EGLN2: variants seen among roughly 807,000 people sequenced by gnomAD.
EGLN2 encodes the protein prolyl hydroxylase EGLN2.
In EGLN2, 15 loss-of-function variants were observed where a neutral mutation model predicts 38.2. The ratio of observed to expected loss-of-function variants is 0.39; its 90% CI spans 0.26 to 0.60. EGLN2 has a LOEUF of 0.60. Among genes scored for constraint, EGLN2 ranks in the 20% least tolerant of loss-of-function variants. The pLI is 0.50. For missense variants in EGLN2, 492 were observed against 570.4 expected, an observed-to-expected ratio of 0.86 and a Z score of 1.40; for synonymous variants, 284 against 237.4, an observed-to-expected ratio of 1.20 and a Z score of -1.81.
intron 4 of EGLN2, 58 bp downstream of exon 4, chr19:40,807,332 C>A: frequency 6.2e-7 from 1 of 1,610,534 alleles, no homozygotes; most frequent in South Asian, 1.1e-5. Flanking sequence ...AATGTCCTGT[C>A]AGAGCCTCAG....
chr19:40,806,444 GT>G (rs1208583105), intron 2 of EGLN2, 110 bp from the exon 3 acceptor site: 2 of 1,549,762 alleles, frequency 1.3e-6, no homozygotes, highest in Non-Finnish European at 1.7e-6. Context: ...GACCCAAGGA[GT>G]CATGGGGAAG....
chr19:40,807,873 C>A lies in EGLN2; in HGVS notation c.*9C>A, dbSNP rs769400397. The A allele has an allele frequency of 1.2e-6, 2 of 1,613,738 alleles. No homozygotes were observed. Among genetic ancestry groups the A allele is most frequent in the African/African-American group, 2.7e-5 (2 of 74,924 alleles). On this transcript the variant is annotated 3_prime_UTR_variant, in exon 6 of 6. Transcript: ENST00000303961. ...CGCCTACGCCCACCTAGTGGCCAGT[C>A]CCAGAGCCGCATGGCAGACAGCTTA...
At chr19:40,801,527 GT>G in intron 2 of EGLN2, 112 bp downstream of exon 2, 11 of 1,457,654 alleles carry the variant, frequency 7.5e-6, no homozygotes, top group Non-Finnish European at 1.0e-5. Flanking sequence ...GTCACAGAAG[GT>G]TTAGGCAGTT....
chr19:40,799,619 A>G (rs1040611032), intron 1 of EGLN2: 1 of 151,814 alleles, frequency 6.6e-6, no homozygotes, highest in Non-Finnish European at 1.5e-5. Context: ...GGGCACCTTT[A>G]TCTCTCGTCC....
chr19:40,800,494 CGGA>C lies in EGLN2; in HGVS notation c.-70_-68del, dbSNP rs2083246620. ...GGCCCCCAGCTGCATCAAGTGGAGGCGGAGGAGGAGGCGGAGGAGGGTGGCACC... is the reference window on the plus strand; with the variant it reads ...GGCCCCCAGCTGCATCAAGTGGAGGCGGAGGAGGCGGAGGAGGGTGGCACC... On this transcript the variant is annotated 5_prime_UTR_variant, in exon 2 of 6. Transcript: ENST00000303961. 2.0e-6 allele frequency: 3 copies of C among 1,465,472 alleles called. No individual in the cohort carries two copies. The highest frequency in any genetic ancestry group is 2.4e-5 in the East Asian group (1 of 41,306). 90.8% of individuals were successfully genotyped at this position (1,465,472 alleles called of 1,614,324 possible).
intron 2 of EGLN2, 154 bp from the exon 3 acceptor site, chr19:40,806,401 G>C (rs1024951589): frequency 7.1e-7 from 1 of 1,412,686 alleles, no homozygotes; most frequent in African/African-American, 1.4e-5. Flanking sequence ...GGCTGAAAAA[G>C]AAAGTCTTTT....
intron 2 of EGLN2, chr19:40,804,827 C>T (rs760286284): frequency 6.6e-6 from 1 of 152,130 alleles, no homozygotes; most frequent in African/African-American, 2.4e-5. Context: ...AGGGTTTTCC[C>T]TGGGGGGCCT....
At chr19:40,806,307 A>G (rs1246591645) in intron 2 of EGLN2, 2 of 594,372 alleles carry the variant, frequency 3.4e-6, no homozygotes, top group Non-Finnish European at 5.6e-6. Context: ...GCTGGGTGCC[A>G]GGCCCCAGGT....
Position 40,801,037 on chromosome 19 carries a change from C to T in EGLN2, c.465C>T (p.Ser155=). The T allele has an allele frequency of 6.2e-7, 1 of 1,613,020 alleles. No homozygotes were observed. The highest frequency in any genetic ancestry group is 8.5e-7 in the Non-Finnish European group (1 of 1,179,838). The change falls in exon 2 of 6, where the codon AGC becomes AGT. Residue 155 remains serine, a synonymous_variant. Transcript: ENST00000303961. ...EREGGMSCSC[S]SGSGEASAGL... ...AGGGTGGCATGAGCTGCAGCTGCAG[C>T]AGTGGCAGTGGTGAGGCCAGTGCTG...
intron 2 of EGLN2, among the ~76,000 whole-genome samples, chr19:40,802,103 C>A (rs1356611553): frequency 6.6e-6 from 1 of 152,160 alleles, no homozygotes; most frequent in African/African-American, 2.4e-5. Context: ...GTGCTCCTGT[C>A]GTCCATCCCT....
chr19:40,799,399 C>G (rs2083233218), intron 1 of EGLN2, 137 bp downstream of exon 1: 1 of 109,006 alleles, frequency 9.2e-6, no homozygotes, highest in South Asian at 3.5e-4. Context: ...GTGGGTGCGG[C>G]GCGGGGGAGG....
In EGLN2 at chr19:40,801,163, C is replaced by T. The variant is rs1033606117; in HGVS notation, c.591C>T (p.Phe197=). The change falls in exon 2 of 6, where the codon TTC becomes TTT. Residue 197 remains phenylalanine, a synonymous_variant. Transcript: ENST00000303961. The part of the protein sequence containing the change: ...RYYGICVKDS[F]LGAALGGRVL... The stretch of plus-strand genomic sequence containing the variant: ...ACGGCATCTGCGTCAAGGACAGCTT[C>T]CTGGGGGCAGCACTGGGCGGTCGCG... 1.2e-6 allele frequency: 2 copies of T among 1,612,974 alleles called. No homozygotes were observed. The highest frequency in any genetic ancestry group is 1.7e-6 in the Non-Finnish European group (2 of 1,179,934).
In EGLN2 at chr19:40,806,407, CTT is replaced by C. The variant is rs2083300976; in HGVS notation, c.844-145_844-144del. 10 of 1,433,436 alleles carry C rather than the reference CTT, an allele frequency of 7.0e-6. No individual in the cohort carries two copies. The South Asian group carries it at 9.8e-5, about 14-fold the overall frequency. The allele number at this position is 1,433,436 out of a possible 1,614,324, so 88.8% of individuals were successfully genotyped here. A position where few individuals can be genotyped will look rare whatever the true frequency, so the allele number is the denominator to read the frequency against. On this transcript the variant is annotated intron_variant, in intron 2 of 5. Coordinates refer to ENST00000303961, the MANE Select transcript of EGLN2 (RefSeq NM_080732.4). Reference sequence around the variant, plus strand: ...TGGGATTTTGGCTGAAAAAGAAAGTCTTTTGGGGCAGGAGCTTGGAACCCTTG... The same window carrying C: ...TGGGATTTTGGCTGAAAAAGAAAGTCTTGGGGCAGGAGCTTGGAACCCTTG...
intron 3 of EGLN2, 23 bp downstream of exon 3, chr19:40,806,697 G>A (rs761363000): frequency 6.2e-7 from 1 of 1,612,134 alleles, no homozygotes; most frequent in Non-Finnish European, 8.5e-7. Context: ...GTGAGGGTGA[G>A]GGTGGCGCTG....
At chr19:40,807,773 G>C in intron 5 of EGLN2, 36 bp from the exon 6 acceptor site, 4 of 1,611,058 alleles carry the variant, frequency 2.5e-6, no homozygotes, top group Non-Finnish European at 3.4e-6. Flanking sequence ...TTGTCCTTCT[G>C]ATGACTCACT....
chr19:40,802,687 T>TGTC (rs1286037515), intron 2 of EGLN2, among the ~76,000 whole-genome samples: 1 of 152,232 alleles, frequency 6.6e-6, no homozygotes, highest in African/African-American at 2.4e-5. Flanking sequence ...ATAGGGCCTT[T>TGTC]CCGGGCTGCT....
At chr19:40,806,973 C>G in intron 3 of EGLN2, 165 bp from the exon 4 acceptor site, 1 of 1,146,070 alleles carries the variant, frequency 8.7e-7, no homozygotes, top group South Asian at 1.5e-5. Flanking sequence ...TCCTGCCCAT[C>G]TCCATGGTGA....
chr19:40,807,164 C>T lies in EGLN2; in HGVS notation c.990C>T (p.Phe330=), dbSNP rs751231673. The change falls in exon 4 of 6, where the codon TTC becomes TTT. Residue 330 remains phenylalanine, a synonymous_variant. Transcript: ENST00000303961. ...TGCATGGCGGCCTGCTGCAGATCTT[C>T]CCTGAGGGCCGGCCCGTGGTAGCCA... is the stretch of plus-strand genomic sequence containing the variant. ...VKVHGGLLQI[F]PEGRPVVANI... 6.2e-7 allele frequency: 1 copy of T among 1,614,170 alleles called. No individual in the cohort carries two copies. The highest frequency in any genetic ancestry group is 8.5e-7 in the Non-Finnish European group (1 of 1,180,002).
At position 40,806,580 on chromosome 19, in the gene EGLN2, A is replaced by G. The variant is rs776201066; in HGVS notation, c.869A>G (p.Asn290Ser). The change falls in exon 3 of 6, where the codon AAC becomes AGC. Residue 290 changes from asparagine (N) to serine (S), a missense_variant. By Grantham distance (46) the Asn-to-Ser change is conservative (BLOSUM62 1). This residue lies in a region of EGLN2 where 114 missense variants were observed against 184.2 expected (regional missense o/e 0.62). Coordinates refer to ENST00000303961, the MANE Select transcript of EGLN2 (RefSeq NM_080732.4). ...GCCATGGTGGCGTGTTACCCAGGCA[A>G]CGGGCTCGGGTACGTAAGGCACGTT... ...TKAMVACYPGNGLGYVRHVDN... is the reference protein window; with the variant it reads ...TKAMVACYPGSGLGYVRHVDN... 17 of 1,613,836 alleles carry G rather than the reference A, an allele frequency of 1.1e-5. No homozygotes were observed. Among genetic ancestry groups the G allele is most frequent in the Admixed American group, 1.7e-5 (1 of 59,976 alleles).
Sources: allele counts gnomAD v4.1 joint callset (sites outside exome capture counted in the v4.1 genomes callset), GRCh38; gene constraint gnomAD v4.1.1; regional missense constraint gnomAD v4.1.1; transcripts MANE v1.5; gene names NCBI Gene and HGNC (gene_info 2026-07-23, HGNC 2026-07-21).